Variants in GRIP1 observed in about 807,000 individuals in gnomAD.
The protein encoded by GRIP1 is glutamate receptor-interacting protein 1.
A neutral mutation model predicts 129.9 loss-of-function variants in GRIP1; 45 were observed. That is an observed-to-expected ratio of 0.35 (90% CI 0.27 to 0.44). The LOEUF (loss-of-function observed/expected upper bound fraction) is 0.44, where lower values mean the gene tolerates loss of function less well. Ranked by LOEUF, GRIP1 falls within the 20% of genes least tolerant of loss-of-function variation. The pLI is 1.00. For synonymous variants in GRIP1, 530 were observed against 520.8 expected (o/e 1.02, Z -0.24); for missense variants, 1,196 against 1,396.8 (o/e 0.86, Z 2.29).
rs2056317430 is a variant in GRIP1 at position 66,385,507 on chromosome 12, G to A, written c.2465-6071C>T. 2.0e-5 allele frequency among the ~76,000 whole-genome samples: 3 copies of A among 152,094 alleles called. 1 individual carries two copies. Among genetic ancestry groups the A allele is most frequent in the Admixed American group, 2.0e-4 (3 of 15,270 alleles). On this transcript the variant is annotated intron_variant, in intron 19 of 24. Transcript: ENST00000359742. ...GCCAAGATCGCAACATTGTACTCCA[G>A]CCTGGGTGATAAAAGCAAAACTCGG...
At chr12:66,744,240 C>A (rs1488964952) in intron 1 of GRIP1, among the ~76,000 whole-genome samples, 2 of 152,070 alleles carry the variant, frequency 1.3e-5, no homozygotes, top group Admixed American at 1.3e-4. Flanking sequence ...GTTTTCCCAT[C>A]ATGCCACACC....
At chr12:66,401,653 C>T (rs1458555991) in intron 16 of GRIP1, among the ~76,000 whole-genome samples, 1 of 147,366 alleles carries the variant, frequency 6.8e-6, no homozygotes, top group Non-Finnish European at 1.5e-5. Context: ...CACACACACA[C>T]ACATATATCT....
chr12:67,066,911 T>TATATATATATATATAC (rs1474197671), intron 1 of GRIP1, among the ~76,000 whole-genome samples: 11 of 140,600 alleles, frequency 7.8e-5, no homozygotes, highest in South Asian at 2.2e-4. Context: ...TATATATATA[T>TATATATATATATATAC]ACACACACAC....
Position 66,451,383 on chromosome 12 carries a change from G to GTTTTT in GRIP1, c.1354+4021_1354+4025dup, listed in dbSNP as rs1169331519. Among the ~76,000 whole-genome samples the GTTTTT allele has an allele frequency of 7.7e-4, 33 of 42,656 alleles. 11 individuals are homozygous for GTTTTT. The highest frequency in any genetic ancestry group is 1.8e-3 in the African/African-American group (16 of 9,086). The allele number at this position is 42,656 out of a possible 152,430, so 28.0% of individuals were successfully genotyped here. Reference sequence around the variant, plus strand: ...CCCCAAAGATTTATTATTATAATCTGTTTTTTTTTTTTTTTTTTTTTTTTT... The same window carrying GTTTTT: ...CCCCAAAGATTTATTATTATAATCTGTTTTTTTTTTTTTTTTTTTTTTTTTTTTTT... On this transcript the variant is annotated intron_variant, in intron 11 of 24. Transcript: ENST00000359742.
At chr12:66,798,134 T>C (rs1389412818) in intron 1 of GRIP1, among the ~76,000 whole-genome samples, 1 of 152,172 alleles carries the variant, frequency 6.6e-6, no homozygotes, top group Non-Finnish European at 1.5e-5. Flanking sequence ...ATATGCTTTT[T>C]ATTAAATAAA....
intron 1 of GRIP1, among the ~76,000 whole-genome samples, chr12:66,664,535 A>C (rs921989785): frequency 1.3e-5 from 2 of 152,284 alleles, no homozygotes; most frequent in Middle Eastern, 6.8e-3. Context: ...CTAGAGAACT[A>C]AAATGTGCCT....
chr12:66,879,458 G>A (rs768025133), intron 1 of GRIP1, among the ~76,000 whole-genome samples: 7 of 152,022 alleles, frequency 4.6e-5, no homozygotes, highest in Non-Finnish European at 7.4e-5. Flanking sequence ...CAGAGACTAC[G>A]TAATTTGGAC....
chr12:66,657,443 T>C (rs549424142), intron 1 of GRIP1, among the ~76,000 whole-genome samples: 1 of 152,342 alleles, frequency 6.6e-6, no homozygotes, highest in African/African-American at 2.4e-5. Context: ...TGGCTGGCTT[T>C]ATGTCTCAAG....
At chr12:66,593,370 G>T (rs1254118322) in intron 2 of GRIP1, among the ~76,000 whole-genome samples, 1 of 152,160 alleles carries the variant, frequency 6.6e-6, no homozygotes, top group East Asian at 1.9e-4. Flanking sequence ...TCTGAGTTTA[G>T]ATAGGAGTCA....
intron 1 of GRIP1, among the ~76,000 whole-genome samples, chr12:66,907,336 G>A (rs1049055140): frequency 1.3e-5 from 2 of 152,110 alleles, no homozygotes; most frequent in African/African-American, 4.8e-5. Context: ...ATTACTTATA[G>A]TAATAGAACA....
At chr12:66,990,430 T>C (rs1033841691) in intron 1 of GRIP1, among the ~76,000 whole-genome samples, 1 of 152,170 alleles carries the variant, frequency 6.6e-6, no homozygotes, top group Non-Finnish European at 1.5e-5. Flanking sequence ...AATACATAGG[T>C]AATTAATATA....
At chr12:66,526,862 G>T (rs1461605313) in intron 5 of GRIP1, among the ~76,000 whole-genome samples, 101 of 149,414 alleles carry the variant, frequency 6.8e-4, no homozygotes, top group African/African-American at 2.4e-3. Flanking sequence ...AAAAGTGGGT[G>T]AAGGATATGA....
chr12:66,717,037 TG>T (rs902439368), intron 1 of GRIP1, among the ~76,000 whole-genome samples: 6 of 152,112 alleles, frequency 3.9e-5, no homozygotes, highest in Admixed American at 6.6e-5. Context: ...GAATATGTTC[TG>T]AGTGCCAAAA....
At chr12:66,909,759 C>A (rs2040997918) in intron 1 of GRIP1, among the ~76,000 whole-genome samples, 1 of 152,148 alleles carries the variant, frequency 6.6e-6, no homozygotes, top group South Asian at 2.1e-4. Flanking sequence ...TTAGCCCCTC[C>A]CCTACCTTCT....
intron 1 of GRIP1, among the ~76,000 whole-genome samples, chr12:66,606,497 A>G (rs575868578): frequency 3.3e-5 from 5 of 152,190 alleles, no homozygotes; most frequent in Admixed American, 3.3e-4. Flanking sequence ...AATGTAAATG[A>G]TACTAATAAC....
chr12:66,519,163 C>T (rs1179798958), intron 5 of GRIP1, among the ~76,000 whole-genome samples: 1 of 152,056 alleles, frequency 6.6e-6, no homozygotes, highest in Non-Finnish European at 1.5e-5. Context: ...AAGGCATTCA[C>T]AGTTCCTCAG....
At chr12:66,915,446 G>C (rs2041104890) in intron 1 of GRIP1, among the ~76,000 whole-genome samples, 1 of 152,216 alleles carries the variant, frequency 6.6e-6, no homozygotes, top group Non-Finnish European at 1.5e-5. Flanking sequence ...GAGCCAGCTA[G>C]CTTTAGAAAA....
intron 1 of GRIP1, among the ~76,000 whole-genome samples, chr12:66,785,305 A>AACGT (rs2038286159): frequency 1.9e-5 from 2 of 103,958 alleles, no homozygotes; most frequent in African/African-American, 7.6e-5. Context: ...CCAAGAATTT[A>AACGT]ACATACATAC....
intron 1 of GRIP1, among the ~76,000 whole-genome samples, chr12:66,992,766 G>A (rs1436295470): frequency 1.3e-5 from 2 of 152,104 alleles, no homozygotes; most frequent in African/African-American, 2.4e-5. Context: ...AAAGAAATTT[G>A]GGAAATTCAC....
Sources: allele counts gnomAD v4.1 joint callset (sites outside exome capture counted in the v4.1 genomes callset), GRCh38; gene constraint gnomAD v4.1.1; transcripts MANE v1.5; gene names NCBI Gene and HGNC (gene_info 2026-07-23, HGNC 2026-07-21).